PTPRD: variants seen among roughly 807,000 people sequenced by gnomAD.
PTPRD encodes the protein receptor-type tyrosine-protein phosphatase delta.
PTPRD carries 34 observed loss-of-function variants against 214.5 expected under a neutral mutation model. The observed-to-expected ratio is 0.16, with a 90% CI of 0.12 to 0.21. The LOEUF is 0.21. Among genes scored for constraint, PTPRD ranks in the 10% least tolerant of loss-of-function variants. The pLI is 1.00. For missense variants in PTPRD, 2,545 were observed against 2,398.7 expected (o/e 1.06, Z -1.27); for synonymous variants, 1,128 against 845.7 (o/e 1.33, Z -5.79).
intron 11 of PTPRD, among the ~76,000 whole-genome samples, chr9:8,868,630 T>G (rs1053914432): frequency 2.0e-5 from 3 of 152,298 alleles, no homozygotes; most frequent in South Asian, 2.1e-4. Flanking sequence ...TAAAGTTGTT[T>G]CTTTTTTTTC....
chr9:9,125,657 G>A (rs767703442), intron 10 of PTPRD, among the ~76,000 whole-genome samples: 3 of 152,146 alleles, frequency 2.0e-5, no homozygotes, highest in Non-Finnish European at 2.9e-5. Context: ...CCTCCCAGGT[G>A]AGAATCACTG....
intron 10 of PTPRD, chr9:9,091,242 G>A (rs2099775324): frequency 1.6e-6 from 2 of 1,248,544 alleles, no homozygotes; most frequent in Non-Finnish European, 1.2e-6. Context: ...CAAAGCCCAT[G>A]TAAGGAGCTG....
At chr9:8,963,784 A>C (rs1456257975) in intron 11 of PTPRD, among the ~76,000 whole-genome samples, 2 of 127,236 alleles carry the variant, frequency 1.6e-5, no homozygotes, top group African/African-American at 5.3e-5. Context: ...ATACTTGGCT[A>C]ATTATTTTTT....
intron 9 of PTPRD, among the ~76,000 whole-genome samples, chr9:9,363,493 A>G (rs2056915331): frequency 1.3e-5 from 2 of 151,600 alleles, no homozygotes; most frequent in African/African-American, 2.4e-5. Flanking sequence ...AAGGTTAGGA[A>G]AAACCATTAT....
At chr9:10,594,483 G>A (rs977091699) in intron 2 of PTPRD, among the ~76,000 whole-genome samples, 1 of 151,974 alleles carries the variant, frequency 6.6e-6, no homozygotes, top group African/African-American at 2.4e-5. Flanking sequence ...ATTTATACCT[G>A]AGTTTTCAGT....
intron 7 of PTPRD, among the ~76,000 whole-genome samples, chr9:9,590,612 A>AT (rs899621149): frequency 3.3e-5 from 5 of 151,892 alleles, no homozygotes; most frequent in African/African-American, 1.2e-4. Context: ...TCATATATTT[A>AT]TTTTTTATTT....
chr9:8,327,601 C>G (rs1472653632), intron 44 of PTPRD, among the ~76,000 whole-genome samples: 1 of 152,016 alleles, frequency 6.6e-6, no homozygotes, highest in Non-Finnish European at 1.5e-5. Flanking sequence ...TGCTAATGTT[C>G]TATCTCATTG....
intron 11 of PTPRD, among the ~76,000 whole-genome samples, chr9:8,805,252 C>T (rs1050280339): frequency 5.9e-5 from 9 of 152,048 alleles, no homozygotes; most frequent in African/African-American, 1.7e-4. Context: ...ACTAAAGTTC[C>T]AAAAATTTGA....
intron 3 of PTPRD, among the ~76,000 whole-genome samples, chr9:10,035,218 C>T (rs1459030141): frequency 4.0e-5 from 6 of 151,840 alleles, no homozygotes; most frequent in Non-Finnish European, 8.8e-5. Context: ...AGCTTTTTTT[C>T]AATATGGTTG....
chr9:10,240,494 A>G (rs540082972), intron 3 of PTPRD, among the ~76,000 whole-genome samples: 1 of 151,986 alleles, frequency 6.6e-6, no homozygotes, highest in African/African-American at 2.4e-5. Flanking sequence ...GATCACATTT[A>G]TACTATGATG....
intron 9 of PTPRD, among the ~76,000 whole-genome samples, chr9:9,356,344 C>T (rs563919738): frequency 3.2e-4 from 49 of 151,174 alleles, no homozygotes; most frequent in Non-Finnish European, 5.9e-4. Context: ...TTTGGCTTGG[C>T]GGTTGAGGGA....
At chr9:9,068,680 C>G (rs953911059) in intron 10 of PTPRD, among the ~76,000 whole-genome samples, 3 of 152,096 alleles carry the variant, frequency 2.0e-5, no homozygotes, top group African/African-American at 7.2e-5. Flanking sequence ...GGCGCACTCT[C>G]AGCTCACTGC....
At chr9:10,593,539 G>A (rs762380044) in intron 2 of PTPRD, among the ~76,000 whole-genome samples, 2 of 151,966 alleles carry the variant, frequency 1.3e-5, no homozygotes, top group Admixed American at 6.6e-5. Context: ...ATATAGAAGA[G>A]ATTAGGGATT....
At chr9:8,712,171 C>T (rs2098349753) in intron 12 of PTPRD, among the ~76,000 whole-genome samples, 1 of 152,134 alleles carries the variant, frequency 6.6e-6, no homozygotes, top group African/African-American at 2.4e-5. Context: ...AACTGTCTTA[C>T]AAATGTATCA....
Position 8,484,193 on chromosome 9 carries a change from G to C in PTPRD, c.3339C>G (p.Ala1113=), listed in dbSNP as rs1164841586. 6.2e-7 allele frequency: 1 copy of C among 1,614,162 alleles called. No homozygotes were observed. Among genetic ancestry groups the C allele is most frequent in the Non-Finnish European group, 8.5e-7 (1 of 1,180,020 alleles). The stretch of plus-strand genomic sequence containing the variant: ...CATCCAAGTTGGTCTTCCCAATGAA[G>C]GCAGGCTTGGTACGTAATACATCTG... The part of the protein sequence containing the change: ...TAPDVLRTKP[A]FIGKTNLDGM... The change falls in exon 30 of 46, where the codon GCC becomes GCG. Residue 1113 remains alanine (A), a synonymous_variant. Coordinates refer to ENST00000381196, the MANE Select transcript of PTPRD (RefSeq NM_002839.4).
chr9:9,245,837 C>A (rs918787845), intron 9 of PTPRD, among the ~76,000 whole-genome samples: 1 of 151,900 alleles, frequency 6.6e-6, no homozygotes, highest in Non-Finnish European at 1.5e-5. Flanking sequence ...TTTTTGGGAA[C>A]CTTGAGCAGA....
intron 10 of PTPRD, among the ~76,000 whole-genome samples, chr9:9,143,829 A>G (rs147367292): frequency 2.7e-4 from 41 of 152,338 alleles, no homozygotes; most frequent in African/African-American, 9.6e-4. Flanking sequence ...ACCGATTATA[A>G]AAACTACTAA....
chr9:8,866,782 G>GT (rs34988254), intron 11 of PTPRD, among the ~76,000 whole-genome samples: 3 of 151,826 alleles, frequency 2.0e-5, no homozygotes, highest in Non-Finnish European at 2.9e-5. Context: ...CATCAAGTCA[G>GT]TTTTTTTTTC....
At chr9:8,666,440 G>C (rs776114044) in intron 12 of PTPRD, among the ~76,000 whole-genome samples, 1 of 152,136 alleles carries the variant, frequency 6.6e-6, no homozygotes, top group African/African-American at 2.4e-5. Context: ...AGAGAAGATA[G>C]TTTAAAAATG....
Sources: allele counts gnomAD v4.1 joint callset (sites outside exome capture counted in the v4.1 genomes callset), GRCh38; gene constraint gnomAD v4.1.1; transcripts MANE v1.5; gene names NCBI Gene and HGNC (gene_info 2026-07-23, HGNC 2026-07-21).